Variants in SNTA1 observed in about 807,000 individuals in gnomAD.
SNTA1 encodes the protein syntrophin alpha 1.
Under a neutral mutation model 47.1 loss-of-function variants are expected in SNTA1, and 31 were observed. The ratio of observed to expected loss-of-function variants is 0.66; its 90% CI spans 0.49 to 0.89. SNTA1 has a LOEUF of 0.89. Among genes scored for constraint, SNTA1 ranks in the 40% least tolerant of loss-of-function variants. The pLI is 0.00. For synonymous variants in SNTA1, 300 were observed against 313.6 expected (o/e 0.96, Z 0.46); for missense variants, 575 against 693.0 (o/e 0.83, Z 1.91).
intron 4 of SNTA1, 41 bp downstream of exon 4, chr20:33,412,534 G>T (rs2297650): frequency 1.2e-6 from 2 of 1,606,614 alleles, no homozygotes; most frequent in East Asian, 4.5e-5. Flanking sequence ...CTCCAAAGGA[G>T]CGGAAGAGAG....
intron 3 of SNTA1, among the ~76,000 whole-genome samples, chr20:33,413,769 A>T (rs1295877216): frequency 6.6e-6 from 1 of 152,044 alleles, no homozygotes; most frequent in African/African-American, 2.4e-5. Flanking sequence ...TCTCTAAAAA[A>T]GAAAAAAAAA....
At chr20:33,424,569 G>A (rs1478080491) in intron 2 of SNTA1, among the ~76,000 whole-genome samples, 1 of 151,780 alleles carries the variant, frequency 6.6e-6, no homozygotes, top group Non-Finnish European at 1.5e-5. Flanking sequence ...GCTGGAGTGC[G>A]GTGGTATGAT....
intron 2 of SNTA1, among the ~76,000 whole-genome samples, chr20:33,422,201 G>A (rs990932298): frequency 6.6e-6 from 1 of 152,138 alleles, no homozygotes; most frequent in African/African-American, 2.4e-5. Context: ...CAGCACTTGG[G>A]AGGCCGAGGC....
chr20:33,423,080 C>A (rs772514031), intron 2 of SNTA1, among the ~76,000 whole-genome samples: 1 of 152,182 alleles, frequency 6.6e-6, no homozygotes, highest in Non-Finnish European at 1.5e-5. Flanking sequence ...AGATCTCATA[C>A]GCTACATGCT....
rs193157823 is a variant in SNTA1 at position 33,419,897 on chromosome 20, G to C, written c.497-1974C>G. ...TTTCAAAGTTGCTGGGAGGGAGCTTGTTCCTAGTGCAACGACAGCCACTTT... is the reference window on the plus strand; with the variant it reads ...TTTCAAAGTTGCTGGGAGGGAGCTTCTTCCTAGTGCAACGACAGCCACTTT... On this transcript the variant is annotated intron_variant, in intron 2 of 7. Transcript: ENST00000217381. Among the ~76,000 whole-genome samples the C allele has an allele frequency of 9.4e-4, 143 of 152,102 alleles. 2 individuals are homozygous for C. The highest frequency in any genetic ancestry group is 1.8e-3 in the Non-Finnish European group (122 of 67,980).
At chr20:33,441,474 C>T (rs942822282) in intron 1 of SNTA1, among the ~76,000 whole-genome samples, 7 of 152,276 alleles carry the variant, frequency 4.6e-5, no homozygotes, top group Middle Eastern at 6.8e-3. Context: ...CCTCTCTTGA[C>T]GCCCACACAG....
intron 3 of SNTA1, among the ~76,000 whole-genome samples, chr20:33,413,492 G>T (rs1989798029): frequency 6.6e-6 from 1 of 152,092 alleles, no homozygotes; most frequent in Non-Finnish European, 1.5e-5. Flanking sequence ...GTGTAATAGG[G>T]CCTAAATTAT....
chr20:33,418,032 T>C, intron 2 of SNTA1, 109 bp from the exon 3 acceptor site: 1 of 746,966 alleles, frequency 1.3e-6, no homozygotes, highest in South Asian at 1.7e-5. Context: ...TATTAGACCC[T>C]TAGTAAGCAA....
At chr20:33,433,868 T>C (rs1990370091) in intron 2 of SNTA1, among the ~76,000 whole-genome samples, 2 of 152,162 alleles carry the variant, frequency 1.3e-5, no homozygotes, top group Admixed American at 1.3e-4. Flanking sequence ...AGAAATGTTC[T>C]AGGAGGCAGG....
intron 1 of SNTA1, among the ~76,000 whole-genome samples, chr20:33,441,094 A>G (rs539629212): frequency 4.6e-5 from 7 of 152,390 alleles, no homozygotes; most frequent in African/African-American, 1.7e-4. Flanking sequence ...AATAGTAATA[A>G]GAGTTCACCT....
In SNTA1 at chr20:33,410,781, G is replaced by A. The variant is rs76414212; in HGVS notation, c.1041-450C>T. Among the ~76,000 whole-genome samples, 1,211 of 152,178 alleles carry A rather than the reference G, an allele frequency of 8.0e-3. 18 individuals are homozygous for A. The highest frequency in any genetic ancestry group is 0.027 in the African/African-American group (1,140 of 41,512). ...ATTATACTTTTTATTATTTGTTTTC[G>A]TTGGTTTTTGACTGTCTTTTTCACT... On this transcript the variant is annotated intron_variant, in intron 5 of 7. Coordinates refer to ENST00000217381, the MANE Select transcript of SNTA1 (RefSeq NM_003098.3).
At chr20:33,432,973 A>G (rs879759571) in intron 2 of SNTA1, among the ~76,000 whole-genome samples, 4 of 152,158 alleles carry the variant, frequency 2.6e-5, no homozygotes, top group Non-Finnish European at 5.9e-5. Flanking sequence ...TCTGTCACCC[A>G]AGCTGGAATG....
chr20:33,413,670 G>A (rs1989803277), intron 3 of SNTA1, among the ~76,000 whole-genome samples: 1 of 150,596 alleles, frequency 6.6e-6, no homozygotes, highest in East Asian at 2.0e-4. Context: ...GCTCACGCCT[G>A]TAATCCCAGA....
chr20:33,443,423 G>A lies in SNTA1; in HGVS notation c.198C>T (p.Gly66=). Residue 66 remains glycine (G), a synonymous_variant, in exon 1 of 8, where the codon GGC becomes GGT. Transcript: ENST00000217381. ...PREQEPAQLN[G]AAEPGAGPPQ... Reference sequence around the variant, plus strand: ...GGGGCCCGGCGCCCGGCTCCGCGGCGCCGTTGAGCTGCGCGGGCTCCTGCT... The same window carrying A: ...GGGGCCCGGCGCCCGGCTCCGCGGCACCGTTGAGCTGCGCGGGCTCCTGCT... 1 of 1,332,714 alleles carries A rather than the reference G, an allele frequency of 7.5e-7. No homozygotes were observed. Among genetic ancestry groups the A allele is most frequent in the Non-Finnish European group, 9.5e-7 (1 of 1,049,064 alleles). 82.6% of individuals were successfully genotyped at this position (1,332,714 alleles called of 1,614,324 possible).
In SNTA1 at chr20:33,410,250, G is replaced by A. The variant is rs887122815; in HGVS notation, c.1122C>T (p.His374=). ...LSFALRTGTR[H]GVDTHLFSVE... is the part of the protein sequence containing the mutation. ...CGCTGAACAGGTGAGTGTCCACACC[G>A]TGACGCGTGCCCGTGCGCAGGGCAA... The change falls in exon 6 of 8, where the codon CAC becomes CAT. Residue 374 remains histidine, a synonymous_variant. Transcript: ENST00000217381. 7.4e-6 allele frequency: 12 copies of A among 1,613,336 alleles called. No homozygotes were observed. Among genetic ancestry groups the A allele is most frequent in the East Asian group, 2.2e-5 (1 of 44,884 alleles).
At chr20:33,435,470 C>T (rs1300135389) in intron 2 of SNTA1, among the ~76,000 whole-genome samples, 1 of 152,018 alleles carries the variant, frequency 6.6e-6, no homozygotes, top group East Asian at 2.0e-4. Flanking sequence ...TGGTGGTGCA[C>T]ACCTGTAATT....
At chr20:33,432,165 A>T (rs965621716) in intron 2 of SNTA1, among the ~76,000 whole-genome samples, 2 of 152,194 alleles carry the variant, frequency 1.3e-5, no homozygotes, top group African/African-American at 4.8e-5. Context: ...GGGGCACAGC[A>T]TGACTCAGCT....
chr20:33,436,054 C>T (rs1035371593), intron 2 of SNTA1, among the ~76,000 whole-genome samples: 8 of 151,990 alleles, frequency 5.3e-5, no homozygotes, highest in African/African-American at 1.2e-4. Context: ...ATTAGCCAGG[C>T]GTGGTGGCGG....
At chr20:33,408,977 G>A in intron 6 of SNTA1, 89 bp from the exon 7 acceptor site, 1 of 1,184,754 alleles carries the variant, frequency 8.4e-7, no homozygotes, top group Non-Finnish European at 1.3e-6. Context: ...TACAAAGTGG[G>A]GCCTGAATGC....
Sources: allele counts gnomAD v4.1 joint callset (sites outside exome capture counted in the v4.1 genomes callset), GRCh38; gene constraint gnomAD v4.1.1; transcripts MANE v1.5; gene names NCBI Gene and HGNC (gene_info 2026-07-23, HGNC 2026-07-21).